Variants in C1QL2 observed in about 807,000 individuals in gnomAD.
The protein encoded by C1QL2 is complement C1q like 2.
C1QL2 carries 13 observed loss-of-function variants against 16.6 expected under a neutral mutation model. The observed-to-expected ratio is 0.78, with a 90% CI of 0.51 to 1.25. The LOEUF (loss-of-function observed/expected upper bound fraction) is 1.25. Ranked by LOEUF, C1QL2 falls within the 50% of genes most tolerant of loss-of-function variation. C1QL2 has a pLI of 0.00. For missense variants in C1QL2, 396 were observed against 409.6 expected, an observed-to-expected ratio of 0.97 and a Z score of 0.29; for synonymous variants, 210 against 183.2, an observed-to-expected ratio of 1.15 and a Z score of -1.18.
Position 119,156,683 on chromosome 2 carries a change from G to T in C1QL2, c.*119C>A. On this transcript the variant is annotated 3_prime_UTR_variant, in exon 2 of 2. Transcript: ENST00000272520. ...CGGGGCAGGGAGGACGCAGGGATTTGTCTTTTCCAAAGGAGATGTCAGGAA... is the reference window on the plus strand; with the variant it reads ...CGGGGCAGGGAGGACGCAGGGATTTTTCTTTTCCAAAGGAGATGTCAGGAA... 2 of 1,209,516 alleles carry T rather than the reference G, an allele frequency of 1.7e-6. No individual in the cohort carries two copies. The highest frequency in any genetic ancestry group is 2.3e-6 in the Non-Finnish European group (2 of 882,276). The allele number at this position is 1,209,516 out of a possible 1,614,324, so 74.9% of individuals were successfully genotyped here.
Position 119,158,694 on chromosome 2 carries a change from G to A in C1QL2, c.-425C>T. 1 of 152,802 alleles carries A rather than the reference G, an allele frequency of 6.5e-6. No homozygotes were observed. Among genetic ancestry groups the A allele is most frequent in the Non-Finnish European group, 1.5e-5 (1 of 68,554 alleles). The allele number at this position is 152,802 out of a possible 1,614,324, so 9.5% of individuals were successfully genotyped here. The stretch of plus-strand genomic sequence containing the variant: ...GCTGCCTCCCGCCAGGCTCCGCTCC[G>A]CTGGGTTTAGTGGGGCTCCTAGCGC... On this transcript the variant is annotated 5_prime_UTR_variant, in exon 1 of 2. Transcript: ENST00000272520.
chr2:119,157,620 G>T lies in C1QL2; in HGVS notation c.650C>A (p.Thr217Asn), dbSNP rs775756222. The T allele has an allele frequency of 6.2e-7, 1 of 1,614,198 alleles. No homozygotes were observed. Among genetic ancestry groups the T allele is most frequent in the South Asian group, 1.1e-5 (1 of 91,088 alleles). The change falls in exon 1 of 2, where the codon ACC (threonine) becomes AAC (asparagine). Residue 217 changes from threonine (T) to asparagine (N), a missense_variant. By Grantham distance (65) the Thr-to-Asn change is moderately conservative. Coordinates refer to ENST00000272520, the MANE Select transcript of C1QL2 (RefSeq NM_182528.4). ...CTTGCAGAGGTCCGCCCACATGCTG[G>T]TGCCGTCGCCGCCGCGCATGAGGAT... ...YHILMRGGDG[T>N]SMWADLCKNG...
At position 119,158,475 on chromosome 2, in the gene C1QL2, A is replaced by C; in HGVS notation, c.-206T>G. The C allele has an allele frequency of 3.1e-6, 1 of 318,812 alleles. No homozygotes were observed. Among genetic ancestry groups the C allele is most frequent in the Non-Finnish European group, 5.6e-6 (1 of 179,980 alleles). 19.7% of individuals were successfully genotyped at this position (318,812 alleles called of 1,614,324 possible). ...GACCCCCAGCCCCGGCTACCCAACT[A>C]CTTCAGCGAGAGGCGCCGGGACCTC... On this transcript the variant is annotated 5_prime_UTR_variant, in exon 1 of 2. Coordinates refer to ENST00000272520, the MANE Select transcript of C1QL2 (RefSeq NM_182528.4).
At chr2:119,157,038 C>T (rs1370918349) in intron 1 of C1QL2, 57 bp from the exon 2 acceptor site, 132 of 1,578,734 alleles carry the variant, frequency 8.4e-5, no homozygotes, top group Non-Finnish European at 3.3e-5. Flanking sequence ...CGCCTTTGCT[C>T]AGCCCACACC....
Position 119,157,484 on chromosome 2 carries a change from C to T in C1QL2, c.684+102G>A. ...CCGAGGCGCGTTCATTCCCGGGGCT[C>T]GCAGGGTAGCCCGCGGGTGGAGAGA... On this transcript the variant is annotated intron_variant, in intron 1 of 1. Transcript: ENST00000272520. 4 of 1,399,866 alleles carry T rather than the reference C, an allele frequency of 2.9e-6. No homozygotes were observed. In the South Asian group the frequency reaches 3.8e-5, roughly 13 times the overall value. The allele number at this position is 1,399,866 out of a possible 1,614,324, so 86.7% of individuals were successfully genotyped here.
Position 119,157,732 on chromosome 2 carries a change from C to G in C1QL2, c.538G>C (p.Val180Leu), listed in dbSNP as rs1208485333. The G allele has an allele frequency of 1.2e-6, 2 of 1,613,966 alleles. No homozygotes were observed. Among genetic ancestry groups the G allele is most frequent in the Non-Finnish European group, 1.7e-6 (2 of 1,179,976 alleles). The change falls in exon 1 of 2, where the codon GTG (valine) becomes CTG (leucine). Residue 180 changes from valine (V) to leucine (L), a missense_variant. Coordinates refer to ENST00000272520, the MANE Select transcript of C1QL2 (RefSeq NM_182528.4). ...TAGTGATTGCCGAGGTTGGTGACCACGTCATCGAACTTCAGCACCTCATAG... is the reference window on the plus strand; with the variant it reads ...TAGTGATTGCCGAGGTTGGTGACCAGGTCATCGAACTTCAGCACCTCATAG... The part of the protein sequence containing the change: ...EGYEVLKFDD[V>L]VTNLGNHYDP...
At position 119,157,937 on chromosome 2, in the gene C1QL2, C is replaced by T; in HGVS notation, c.333G>A (p.Ser111=). The change falls in exon 1 of 2, where the codon TCG becomes TCA. Residue 111 remains serine (S), a synonymous_variant. Coordinates refer to ENST00000272520, the MANE Select transcript of C1QL2 (RefSeq NM_182528.4). ...GCAGCCCTGGCAGCCCGGGCCGCCC[C>T]GAGTCGCCCTTCTCTCCCGGAGGGC... The part of the protein sequence containing the change: ...PRGPPGEKGD[S]GRPGLPGLQL... 1 of 1,541,716 alleles carries T rather than the reference C, an allele frequency of 6.5e-7. No individual in the cohort carries two copies. Among genetic ancestry groups the T allele is most frequent in the Non-Finnish European group, 8.8e-7 (1 of 1,142,446 alleles).
chr2:119,156,767 G>A lies in C1QL2; in HGVS notation c.*35C>T. ...GCCGCGCCCGGGCGGAGACCGGGCG[G>A]CCTGCAGCCACCCCGCCTCGCACCC... On this transcript the variant is annotated 3_prime_UTR_variant, in exon 2 of 2. Coordinates refer to ENST00000272520, the MANE Select transcript of C1QL2 (RefSeq NM_182528.4). 6.2e-7 allele frequency: 1 copy of A among 1,600,030 alleles called. No homozygotes were observed. The highest frequency in any genetic ancestry group is 8.5e-7 in the Non-Finnish European group (1 of 1,173,172).
chr2:119,157,824 G>A lies in C1QL2; in HGVS notation c.446C>T (p.Ala149Val). 1 of 1,594,128 alleles carries A rather than the reference G, an allele frequency of 6.3e-7. No individual in the cohort carries two copies. Residue 149 changes from alanine to valine, a missense_variant, in exon 1 of 2, where the codon GCG becomes GTG. This residue lies in a region of C1QL2 where 353 missense variants were observed against 334.8 expected (regional missense o/e 1.05). Transcript: ENST00000272520. Reference protein sequence around the residue: ...GGDSEGEVTSALSATFSGPKI... With the variant: ...GGDSEGEVTSVLSATFSGPKI... Reference sequence around the variant, plus strand: ...GGGGCCGCTGAAGGTGGCGCTCAGCGCACTGGTCACTTCACCCTCGGAATC... The same window carrying A: ...GGGGCCGCTGAAGGTGGCGCTCAGCACACTGGTCACTTCACCCTCGGAATC...
At position 119,156,791 on chromosome 2, in the gene C1QL2, C is replaced by A. The variant is rs773484951; in HGVS notation, c.*11G>T. The A allele has an allele frequency of 6.2e-7, 1 of 1,609,240 alleles. No homozygotes were observed. Among genetic ancestry groups the A allele is most frequent in the East Asian group, 2.2e-5 (1 of 44,744 alleles). ...GGCCTGCAGCCACCCCGCCTCGCAC[C>A]CCCCGCGCCCCTAATCCGGGTACAG... is the stretch of plus-strand genomic sequence containing the variant. On this transcript the variant is annotated 3_prime_UTR_variant, in exon 2 of 2. Transcript: ENST00000272520.
chr2:119,156,527 T>A lies in C1QL2; in HGVS notation c.*275A>T. ...GGCTCCCGGCCCTGCCTGTCCAGTC[T>A]AATCAGGTTTGCAAAGTCTGTGCCG... is the stretch of plus-strand genomic sequence containing the variant. On this transcript the variant is annotated 3_prime_UTR_variant, in exon 2 of 2. Transcript: ENST00000272520. 2.8e-6 allele frequency: 1 copy of A among 354,358 alleles called. No homozygotes were observed. Among genetic ancestry groups the A allele is most frequent in the Non-Finnish European group, 5.1e-6 (1 of 194,270 alleles). The allele number at this position is 354,358 out of a possible 1,614,324, so 22.0% of individuals were successfully genotyped here. A position where few individuals can be genotyped will look rare whatever the true frequency, so the allele number is the denominator to read the frequency against.
In C1QL2 at chr2:119,157,982, C is replaced by G; in HGVS notation, c.288G>C (p.Pro96=). The G allele has an allele frequency of 6.6e-7, 1 of 1,521,508 alleles. No individual in the cohort carries two copies. The highest frequency in any genetic ancestry group is 8.8e-7 in the Non-Finnish European group (1 of 1,136,698). 94.3% of individuals were successfully genotyped at this position (1,521,508 alleles called of 1,614,324 possible). A position where few individuals can be genotyped will look rare whatever the true frequency, so the allele number is the denominator to read the frequency against. ...KPGPRGPPGE[P]GPPGPRGPPG... ...GAGGGCCCCTGGGTCCAGGCGGGCC[C>G]GGCTCTCCAGGGGGCCCCCGCGGCC... The change falls in exon 1 of 2, where the codon CCG becomes CCC. Residue 96 remains proline, a synonymous_variant. Transcript: ENST00000272520.
chr2:119,157,994 G>A lies in C1QL2; in HGVS notation c.276C>T (p.Pro92=), dbSNP rs766398956. 5.9e-6 allele frequency: 9 copies of A among 1,521,324 alleles called. No individual in the cohort carries two copies. The highest frequency in any genetic ancestry group is 2.6e-5 in the East Asian group (1 of 39,168). 94.2% of individuals were successfully genotyped at this position (1,521,324 alleles called of 1,614,324 possible). The change falls in exon 1 of 2, where the codon CCC becomes CCT. Residue 92 remains proline, a synonymous_variant. Transcript: ENST00000272520. ...GRPGKPGPRG[P]PGEPGPPGPR... Reference sequence around the variant, plus strand: ...GTCCAGGCGGGCCCGGCTCTCCAGGGGGCCCCCGCGGCCCTGGCTTGCCCG... The same window carrying A: ...GTCCAGGCGGGCCCGGCTCTCCAGGAGGCCCCCGCGGCCCTGGCTTGCCCG...
rs895693195 is a variant in C1QL2, at chr2:119,157,977, G to A, written c.293C>T (p.Pro98Leu). ...GPRGPPGEPG[P>L]PGPRGPPGEK... ...TCCCGGAGGGCCCCTGGGTCCAGGC[G>A]GGCCCGGCTCTCCAGGGGGCCCCCG... The change falls in exon 1 of 2, where the codon CCG becomes CTG. Residue 98 changes from proline (P) to leucine (L), a missense_variant. Around this residue, in one of 2 missense-constraint regions of C1QL2, gnomAD observed 353 missense variants for 334.8 expected, o/e 1.05. Transcript: ENST00000272520. 1.1e-5 allele frequency: 17 copies of A among 1,523,734 alleles called. No homozygotes were observed. The highest frequency in any genetic ancestry group is 2.2e-5 in the Admixed American group (1 of 46,392). 94.4% of individuals were successfully genotyped at this position (1,523,734 alleles called of 1,614,324 possible). A position where few individuals can be genotyped will look rare whatever the true frequency, so the allele number is the denominator to read the frequency against.
chr2:119,157,021 C>T, intron 1 of C1QL2, 40 bp from the exon 2 acceptor site: 1 of 1,603,692 alleles, frequency 6.2e-7, no homozygotes, highest in Non-Finnish European at 8.5e-7. Context: ...CGGGGCACCT[C>T]TTCCCGCGCC....
In C1QL2 at chr2:119,156,756, G is replaced by A. The variant is rs1677968208; in HGVS notation, c.*46C>T. ...TTTGCCAAGGAGCCGCGCCCGGGCG[G>A]AGACCGGGCGGCCTGCAGCCACCCC... On this transcript the variant is annotated 3_prime_UTR_variant, in exon 2 of 2. Transcript: ENST00000272520. 1 of 1,587,618 alleles carries A rather than the reference G, an allele frequency of 6.3e-7. No homozygotes were observed.
Position 119,156,852 on chromosome 2 carries a change from TGC to T in C1QL2, c.812_813del (p.Gly271GlufsTer2). ...GAGAACGTGCTGTACTTGTTATTATTGCCTCCGTGAGCCTTCCCGCCATCCAG... is the reference window on the plus strand; with the variant it reads ...GAGAACGTGCTGTACTTGTTATTATTCTCCGTGAGCCTTCCCGCCATCCAG... Reference protein sequence around the residue: ...VKLDGGKAHGGNNNKYSTFSG... With the variant: ...VKLDGGKAHGXNNNKYSTFSG... On this transcript the variant is annotated frameshift_variant, in exon 2 of 2. Coordinates refer to ENST00000272520, the MANE Select transcript of C1QL2 (RefSeq NM_182528.4). LOFTEE classifies it high-confidence loss of function. 6.2e-7 allele frequency: 1 copy of T among 1,614,054 alleles called. No individual in the cohort carries two copies. The highest frequency in any genetic ancestry group is 8.5e-7 in the Non-Finnish European group (1 of 1,179,918).
At chr2:119,157,512 G>A in intron 1 of C1QL2, 74 bp downstream of exon 1, 8 of 1,535,778 alleles carry the variant, frequency 5.2e-6, no homozygotes, top group Non-Finnish European at 7.1e-6. Flanking sequence ...TGGAGAGAAA[G>A]GAGGCTGGTT....
chr2:119,156,948 G>C lies in C1QL2; in HGVS notation c.718C>G (p.Gln240Glu). 1 of 1,614,020 alleles carries C rather than the reference G, an allele frequency of 6.2e-7. No individual in the cohort carries two copies. Among genetic ancestry groups the C allele is most frequent in the Non-Finnish European group, 8.5e-7 (1 of 1,179,932 alleles). Reference protein sequence around the residue: ...RASAIAQDADQNYDYASNSVV... With the variant: ...RASAIAQDADENYDYASNSVV... Reference sequence around the variant, plus strand: ...CTGTTACTGGCGTAGTCGTAGTTCTGGTCGGCGTCCTGTGCAATGGCGCTG... The same window carrying C: ...CTGTTACTGGCGTAGTCGTAGTTCTCGTCGGCGTCCTGTGCAATGGCGCTG... Residue 240 changes from glutamine to glutamate, a missense_variant, in exon 2 of 2, where the codon CAG (glutamine) becomes GAG (glutamate). Coordinates refer to ENST00000272520, the MANE Select transcript of C1QL2 (RefSeq NM_182528.4).
Sources: allele counts gnomAD v4.1 joint callset, GRCh38; gene constraint gnomAD v4.1.1; regional missense constraint gnomAD v4.1.1; transcripts MANE v1.5; gene names NCBI Gene and HGNC (gene_info 2026-07-23, HGNC 2026-07-21).